CTNNA2: variants seen among roughly 807,000 people sequenced by gnomAD.
CTNNA2 encodes catenin alpha-2.
In CTNNA2, 42 loss-of-function variants were observed where a neutral mutation model predicts 101.0. The ratio of observed to expected loss-of-function variants is 0.42; its 90% CI spans 0.32 to 0.54. The LOEUF (loss-of-function observed/expected upper bound fraction) is 0.54, where lower values mean the gene tolerates loss of function less well. Among genes scored for constraint, CTNNA2 ranks in the 20% least tolerant of loss-of-function variants. The pLI, the probability that CTNNA2 is intolerant of heterozygous loss-of-function variation, is 0.14. For missense variants in CTNNA2, 871 were observed against 1,223.1 expected (o/e 0.71, Z 4.29); for synonymous variants, 450 against 456.4 (o/e 0.99, Z 0.18).
intron 7 of CTNNA2, among the ~76,000 whole-genome samples, chr2:79,937,643 G>A (rs186460658): frequency 6.6e-6 from 1 of 152,172 alleles, no homozygotes; most frequent in Non-Finnish European, 1.5e-5. Context: ...ACATGAAAAT[G>A]AAATTAAATA....
At chr2:80,301,751 A>G (rs1461434682) in intron 7 of CTNNA2, 1 of 152,658 alleles carries the variant, frequency 6.6e-6, no homozygotes, top group Non-Finnish European at 1.5e-5. Flanking sequence ...ATTGAATCTG[A>G]CTACGTTGCT....
intron 2 of CTNNA2, among the ~76,000 whole-genome samples, chr2:79,282,097 TTTAA>T (rs1169414062): frequency 6.6e-6 from 1 of 152,188 alleles, no homozygotes; most frequent in East Asian, 1.9e-4. Flanking sequence ...ACATGATTAC[TTTAA>T]TTGAGATGAG....
intron 7 of CTNNA2, among the ~76,000 whole-genome samples, chr2:80,059,256 C>T (rs888742270): frequency 1.3e-5 from 2 of 152,090 alleles, no homozygotes; most frequent in African/African-American, 4.8e-5. Flanking sequence ...AATTGCAAGA[C>T]TCTCATACAG....
At chr2:80,445,057 T>G (rs1461706964) in intron 9 of CTNNA2, among the ~76,000 whole-genome samples, 1 of 152,208 alleles carries the variant, frequency 6.6e-6, no homozygotes, top group East Asian at 1.9e-4. Context: ...GAAGATCACT[T>G]GGGAACCACT....
chr2:79,548,557 A>G (rs1403040927), intron 1 of CTNNA2, among the ~76,000 whole-genome samples: 1 of 152,182 alleles, frequency 6.6e-6, no homozygotes, highest in East Asian at 1.9e-4. Context: ...CTCCATCTAG[A>G]GAATCACATC....
At chr2:80,120,260 T>G (rs1476365855) in intron 7 of CTNNA2, among the ~76,000 whole-genome samples, 1 of 152,356 alleles carries the variant, frequency 6.6e-6, no homozygotes, top group Non-Finnish European at 1.5e-5. Flanking sequence ...CTGCACATAA[T>G]TTCCAGTGTA....
chr2:80,162,577 A>G, intron 7 of CTNNA2: 1 of 1,610,172 alleles, frequency 6.2e-7, no homozygotes, highest in South Asian at 1.1e-5. Flanking sequence ...TGATGGTCAG[A>G]CCCATGATCA....
chr2:80,360,821 G>C (rs1674330571), intron 7 of CTNNA2, among the ~76,000 whole-genome samples: 1 of 152,070 alleles, frequency 6.6e-6, no homozygotes, highest in Non-Finnish European at 1.5e-5. Flanking sequence ...ATGTCATGGA[G>C]ATCTATGCAG....
intron 7 of CTNNA2, among the ~76,000 whole-genome samples, chr2:80,256,541 GA>G (rs979555874): frequency 2.6e-5 from 4 of 151,780 alleles, no homozygotes; most frequent in Admixed American, 6.6e-5. Context: ...ACCATCTAGG[GA>G]AAAAAAATCC....
At chr2:80,164,057 T>C (rs1704506322) in intron 7 of CTNNA2, among the ~76,000 whole-genome samples, 1 of 151,808 alleles carries the variant, frequency 6.6e-6, no homozygotes, top group Non-Finnish European at 1.5e-5. Flanking sequence ...TTGAAGTGAT[T>C]TTCTTATAGA....
intron 3 of CTNNA2, among the ~76,000 whole-genome samples, chr2:79,358,523 G>A (rs530809005): frequency 6.6e-6 from 1 of 151,868 alleles, no homozygotes; most frequent in African/African-American, 2.4e-5. Context: ...GTCAACATAC[G>A]GTTTATTTTT....
At chr2:80,388,077 A>G (rs1677178371) in intron 7 of CTNNA2, among the ~76,000 whole-genome samples, 1 of 152,280 alleles carries the variant, frequency 6.6e-6, no homozygotes. Context: ...ATACACCTCA[A>G]AGTGAGATTT....
chr2:79,506,199 G>A (rs929893588), intron 5 of CTNNA2, among the ~76,000 whole-genome samples: 1 of 151,986 alleles, frequency 6.6e-6, no homozygotes, highest in African/African-American at 2.4e-5. Context: ...ACATTTCTAT[G>A]TCTTTGAAAT....
chr2:80,211,547 G>C (rs2149036200), intron 7 of CTNNA2, among the ~76,000 whole-genome samples: 1 of 152,282 alleles, frequency 6.6e-6, no homozygotes, highest in South Asian at 2.1e-4. Flanking sequence ...TATTATTTAT[G>C]AGGGCTCTAT....
At chr2:80,465,907 G>T (rs948530692) in intron 9 of CTNNA2, among the ~76,000 whole-genome samples, 1 of 152,038 alleles carries the variant, frequency 6.6e-6, no homozygotes, top group Non-Finnish European at 1.5e-5. Context: ...ATCTAAAAAT[G>T]AAGTAGGCAT....
In CTNNA2 at chr2:80,001,672, C is replaced by A. The variant is rs1692957988; in HGVS notation, c.1056+91875C>A. Among the ~76,000 whole-genome samples, 4 of 152,214 alleles carry A rather than the reference C, an allele frequency of 2.6e-5. No individual in the cohort carries two copies. In the South Asian group the frequency reaches 6.2e-4, roughly 24 times the overall value. On this transcript the variant is annotated intron_variant, in intron 7 of 18. Transcript: ENST00000402739. ...AAGGGAGAGAGAAGAACTAGCTGAGCAATTTGCAGACTGAATTCTTTGGGA... is the reference window on the plus strand; with the variant it reads ...AAGGGAGAGAGAAGAACTAGCTGAGAAATTTGCAGACTGAATTCTTTGGGA...
At chr2:79,884,751 C>CTTTTT (rs375184305) in intron 6 of CTNNA2, among the ~76,000 whole-genome samples, 10 of 138,402 alleles carry the variant, frequency 7.2e-5, no homozygotes, top group Non-Finnish European at 9.2e-5. Context: ...TTTAAATATG[C>CTTTTT]TTTTTTTTTT....
At chr2:79,478,380 C>A (rs1573185099) in intron 4 of CTNNA2, among the ~76,000 whole-genome samples, 1 of 152,288 alleles carries the variant, frequency 6.6e-6, no homozygotes, top group South Asian at 2.1e-4. Context: ...CTTTTCCATA[C>A]TTTATTTCAT....
intron 1 of CTNNA2, among the ~76,000 whole-genome samples, chr2:79,630,789 C>CA (rs1679639792): frequency 6.6e-6 from 1 of 152,070 alleles, no homozygotes; most frequent in Non-Finnish European, 1.5e-5. Flanking sequence ...TCCAGACACA[C>CA]ACATTAAACA....
Sources: gnomAD v4.1 joint callset for allele counts (sites outside exome capture counted in the v4.1 genomes callset) on GRCh38, gnomAD v4.1.1 for gene constraint, MANE v1.5 for transcripts, NCBI Gene and HGNC (gene_info 2026-07-23, HGNC 2026-07-21) for gene names.